SLC6A3: variants seen among roughly 807,000 people sequenced by gnomAD.
The protein encoded by SLC6A3 is sodium-dependent dopamine transporter.
Under a neutral mutation model 70.4 loss-of-function variants are expected in SLC6A3, and 19 were observed. That is an observed-to-expected ratio of 0.27 (90% CI 0.19 to 0.40). The LOEUF is 0.40. Among genes scored for constraint, SLC6A3 ranks in the 10% least tolerant of loss-of-function variants. The pLI is 1.00. For missense variants in SLC6A3, 613 were observed against 838.5 expected (o/e 0.73, Z 3.32); for synonymous variants, 368 against 356.6 (o/e 1.03, Z -0.36).
intron 3 of SLC6A3, among the ~76,000 whole-genome samples, chr5:1,439,979 T>G (rs1266932951): frequency 3.3e-5 from 5 of 152,318 alleles, no homozygotes; most frequent in Admixed American, 2.6e-4. Context: ...TCCCAGGGTC[T>G]CATGAAGATG....
At chr5:1,409,264 A>G in intron 10 of SLC6A3, 139 bp from the exon 11 acceptor site, 1 of 720,914 alleles carries the variant, frequency 1.4e-6, no homozygotes. Context: ...ACCCACATGC[A>G]GCTTCTTAGG....
Position 1,401,041 on chromosome 5 carries a change from C to T in SLC6A3, c.1768-55G>A. Reference sequence around the variant, plus strand: ...TGCAGACCAGTACCCACTGCCAGCACCCACCACTGACTCACACTGCCAGGA... The same window carrying T: ...TGCAGACCAGTACCCACTGCCAGCATCCACCACTGACTCACACTGCCAGGA... On this transcript the variant is annotated intron_variant, in intron 13 of 14. Transcript: ENST00000270349. This position sits in a 1 kb window ranked among gnomAD's most constrained non-coding sequence, Gnocchi z 6.1. 6 of 1,347,370 alleles carry T rather than the reference C, an allele frequency of 4.5e-6. No homozygotes were observed. Among genetic ancestry groups the T allele is most frequent in the Non-Finnish European group, 5.2e-6 (5 of 957,446 alleles). 83.5% of individuals were successfully genotyped at this position (1,347,370 alleles called of 1,614,324 possible).
chr5:1,439,101 A>T (rs1756906834), intron 3 of SLC6A3, among the ~76,000 whole-genome samples: 1 of 152,120 alleles, frequency 6.6e-6, no homozygotes, highest in Admixed American at 6.5e-5. Context: ...GCCGGATTTG[A>T]CACGCGCCCC....
At position 1,411,328 on chromosome 5, in the gene SLC6A3, G is replaced by A. The variant is rs267607069; in HGVS notation, c.1184C>T (p.Pro395Leu). The change falls in exon 9 of 15, where the codon CCG (proline) becomes CTG (leucine). Residue 395 changes from proline to leucine, a missense_variant. This residue lies in a region of SLC6A3 where 348 missense variants were observed against 481.2 expected (regional missense o/e 0.72). Transcript: ENST00000270349. This position sits in a 1 kb window ranked among gnomAD's most constrained non-coding sequence, Gnocchi z 6.5. ...DGPGLIFIIY[P>L]EAIATLPLSS... Reference sequence around the variant, plus strand: ...CAGAGGGAGCGTGGCGATGGCTTCCGGGTAGATGATGAAGATCAGCCCTGG... The same window carrying A: ...CAGAGGGAGCGTGGCGATGGCTTCCAGGTAGATGATGAAGATCAGCCCTGG... 3.9e-6 allele frequency: 6 copies of A among 1,552,264 alleles called. No individual in the cohort carries two copies. Among genetic ancestry groups the A allele is most frequent in the Non-Finnish European group, 4.4e-6 (5 of 1,147,712 alleles).
chr5:1,434,189 A>G (rs1385055775), intron 3 of SLC6A3, among the ~76,000 whole-genome samples: 1 of 152,168 alleles, frequency 6.6e-6, no homozygotes, highest in African/African-American at 2.4e-5. Context: ...GTTTCCTAGA[A>G]TCACCCAGGG....
Position 1,406,106 on chromosome 5 carries a change from G to A in SLC6A3, c.1599+82C>T. On this transcript the variant is annotated intron_variant, in intron 12 of 14. Coordinates refer to ENST00000270349, the MANE Select transcript of SLC6A3 (RefSeq NM_001044.5). This position sits in a 1 kb window ranked among gnomAD's most constrained non-coding sequence, Gnocchi z 8.8. Reference sequence around the variant, plus strand: ...CTCCAGCCACAGTGACAACCCACATGCGGGCGCTGGACCTCGGGGCAGGTG... The same window carrying A: ...CTCCAGCCACAGTGACAACCCACATACGGGCGCTGGACCTCGGGGCAGGTG... 1 of 977,800 alleles carries A rather than the reference G, an allele frequency of 1.0e-6. No homozygotes were observed. Among genetic ancestry groups the A allele is most frequent in the Non-Finnish European group, 1.7e-6 (1 of 602,264 alleles). The allele number at this position is 977,800 out of a possible 1,614,324, so 60.6% of individuals were successfully genotyped here.
At chr5:1,399,218 CTT>C (rs1755789464) in intron 14 of SLC6A3, among the ~76,000 whole-genome samples, 2 of 151,986 alleles carry the variant, frequency 1.3e-5, no homozygotes, top group Non-Finnish European at 2.9e-5. Context: ...TAAAAGCAGA[CTT>C]TTAAGCAAGT....
chr5:1,437,467 G>A lies in SLC6A3; in HGVS notation c.418+3892C>T, dbSNP rs138967468. ...GGAGAGAGACAGAAAGAGACACAGG[G>A]AGAGGGAAAGAGAGCGAGGGGAAGG... On this transcript the variant is annotated intron_variant, in intron 3 of 14. Coordinates refer to ENST00000270349, the MANE Select transcript of SLC6A3 (RefSeq NM_001044.5). This position sits in a 1 kb window ranked among gnomAD's most constrained non-coding sequence, Gnocchi z 4.8. Among the ~76,000 whole-genome samples the A allele has an allele frequency of 1.3e-3, 204 of 152,256 alleles. 2 individuals are homozygous for A. In the South Asian group the frequency reaches 0.024, roughly 18 times the overall value.
chr5:1,418,718 T>C lies in SLC6A3; in HGVS notation c.927+1851A>G, dbSNP rs369260248. Among the ~76,000 whole-genome samples the C allele has an allele frequency of 8.9e-5, 13 of 146,750 alleles. No individual in the cohort carries two copies. In the South Asian group the frequency reaches 2.2e-3, roughly 25 times the overall value. Reference sequence around the variant, plus strand: ...CACCAATCCACCCATCATCCATCCATCCATCCATCCACCCACCCATCCATC... The same window carrying C: ...CACCAATCCACCCATCATCCATCCACCCATCCATCCACCCACCCATCCATC... On this transcript the variant is annotated intron_variant, in intron 6 of 14. Transcript: ENST00000270349.
intron 6 of SLC6A3, among the ~76,000 whole-genome samples, chr5:1,418,307 T>C: frequency 6.6e-6 from 1 of 152,156 alleles, no homozygotes. Flanking sequence ...CCTCATGCAC[T>C]TTCACTCCAG....
chr5:1,421,975 G>A lies in SLC6A3; in HGVS notation c.693C>T (p.Asp231=), dbSNP rs775957301. 1.9e-5 allele frequency: 30 copies of A among 1,612,830 alleles called. No homozygotes were observed. The highest frequency in any genetic ancestry group is 2.5e-5 in the Non-Finnish European group (29 of 1,180,024). Residue 231 remains aspartate, a synonymous_variant, in exon 5 of 15, where the codon GAC becomes GAT. Coordinates refer to ENST00000270349, the MANE Select transcript of SLC6A3 (RefSeq NM_001044.5). The surrounding 1 kb of genome is among the most constrained non-coding windows in gnomAD (Gnocchi z 7.2). ...GCTGCCACCGCGGAGGCCCCAGGTCGTCGATGCCATGGCTCTGGTGGAGGT... is the reference window on the plus strand; with the variant it reads ...GCTGCCACCGCGGAGGCCCCAGGTCATCGATGCCATGGCTCTGGTGGAGGT... The part of the protein sequence containing the change: ...VLHLHQSHGI[D]DLGPPRWQLT...
intron 8 of SLC6A3, among the ~76,000 whole-genome samples, chr5:1,414,349 C>T (rs971613010): frequency 2.4e-5 from 1 of 42,270 alleles, no homozygotes; most frequent in Admixed American, 2.4e-4. Context: ...TGAGGTTCCC[C>T]AGCCCAGGGT....
Position 1,443,191 on chromosome 5 carries a change from T to C in SLC6A3, c.7A>G (p.Lys3Glu). Reference sequence around the variant, plus strand: ...ATGAGTCCCACGGAGCATTTGCTCTTACTCATGGGCACACTGGGAGTTGAG... The same window carrying C: ...ATGAGTCCCACGGAGCATTTGCTCTCACTCATGGGCACACTGGGAGTTGAG... MS[K>E]SKCSVGLMSS... is the part of the protein sequence containing the mutation. The change falls in exon 2 of 15, where the codon AAG becomes GAG. Residue 3 changes from lysine (K) to glutamate (E), a missense_variant. This residue lies in a region of SLC6A3 where 111 missense variants were observed against 91.6 expected (regional missense o/e 1.21). Transcript: ENST00000270349. 6.2e-7 allele frequency: 1 copy of C among 1,614,244 alleles called. No individual in the cohort carries two copies. Among genetic ancestry groups the C allele is most frequent in the Non-Finnish European group, 8.5e-7 (1 of 1,180,026 alleles).
At chr5:1,428,786 C>T (rs1290818651) in intron 4 of SLC6A3, among the ~76,000 whole-genome samples, 2 of 138,188 alleles carry the variant, frequency 1.4e-5, no homozygotes, top group Non-Finnish European at 3.1e-5. Flanking sequence ...GGCAGCTCAG[C>T]AGTCTTTTCT....
Position 1,402,851 on chromosome 5 carries a change from G to A in SLC6A3, c.1767+71C>T, listed in dbSNP as rs1470506442. On this transcript the variant is annotated intron_variant, in intron 13 of 14. Coordinates refer to ENST00000270349, the MANE Select transcript of SLC6A3 (RefSeq NM_001044.5). The surrounding 1 kb of genome is among the most constrained non-coding windows in gnomAD (Gnocchi z 8.5). ...GATGACCCAGGCAGGTGAGGACTGG[G>A]GCCATGGACACCCACGGAGCCTTTC... is the stretch of plus-strand genomic sequence containing the variant. 1.3e-6 allele frequency: 2 copies of A among 1,490,482 alleles called. No homozygotes were observed. The highest frequency in any genetic ancestry group is 3.6e-5 in the Admixed American group (2 of 55,598). 92.3% of individuals were successfully genotyped at this position (1,490,482 alleles called of 1,614,324 possible). A position where few individuals can be genotyped will look rare whatever the true frequency, so the allele number is the denominator to read the frequency against.
chr5:1,398,643 G>C (rs1755776393), intron 14 of SLC6A3, among the ~76,000 whole-genome samples: 1 of 152,204 alleles, frequency 6.6e-6, no homozygotes, highest in Non-Finnish European at 1.5e-5. Flanking sequence ...TAAGGTTACT[G>C]CAAAGTTGAA....
chr5:1,433,752 C>T (rs638964), intron 3 of SLC6A3, among the ~76,000 whole-genome samples: 46,947 of 151,234 alleles, frequency 0.31, 8,157 homozygotes, highest in East Asian at 0.52. Context: ...TTCATGGCCA[C>T]CCACATCCAT....
intron 4 of SLC6A3, among the ~76,000 whole-genome samples, chr5:1,427,902 A>C (rs1756608792): frequency 6.6e-6 from 1 of 152,234 alleles, no homozygotes; most frequent in African/African-American, 2.4e-5. Flanking sequence ...GTTACAGTTG[A>C]GATTTCAGTA....
Position 1,394,821 on chromosome 5 carries a change from GGTGGCTAAGAGCAGCT to G in SLC6A3, c.1840-79_1840-64del, listed in dbSNP as rs1755676637. The G allele has an allele frequency of 1.3e-6, 2 of 1,584,908 alleles. No homozygotes were observed. Among genetic ancestry groups the G allele is most frequent in the African/African-American group, 2.8e-5 (2 of 72,666 alleles). On this transcript the variant is annotated intron_variant, in intron 14 of 14. Coordinates refer to ENST00000270349, the MANE Select transcript of SLC6A3 (RefSeq NM_001044.5). This position sits in a 1 kb window ranked among gnomAD's most constrained non-coding sequence, Gnocchi z 4.7. The stretch of plus-strand genomic sequence containing the variant: ...GATGCCCCATTTAAGAGCAGCTGAA[GGTGGCTAAGAGCAGCT>G]GAAGGCAGTGAGCAGACAGTTTGCA...
Sources: allele counts gnomAD v4.1 joint callset (sites outside exome capture counted in the v4.1 genomes callset), GRCh38; gene constraint gnomAD v4.1.1; regional missense constraint gnomAD v4.1.1; non-coding constraint Gnocchi (gnomAD v3.1); transcripts MANE v1.5; gene names NCBI Gene and HGNC (gene_info 2026-07-23, HGNC 2026-07-21).